Variants in KCNMA1 observed in about 807,000 individuals in gnomAD.
KCNMA1 encodes the protein potassium calcium-activated channel subfamily M alpha 1.
In KCNMA1, 29 loss-of-function variants were observed where a neutral mutation model predicts 140.0. The ratio of observed to expected loss-of-function variants is 0.21; its 90% CI spans 0.15 to 0.28. KCNMA1 has a LOEUF of 0.28. Among genes scored for constraint, KCNMA1 ranks in the 10% least tolerant of loss-of-function variants. The pLI, the probability that KCNMA1 is intolerant of heterozygous loss-of-function variation, is 1.00. For synonymous variants in KCNMA1, 612 were observed against 611.9 expected, an observed-to-expected ratio of 1.00 and a Z score of 0.00; for missense variants, 880 against 1,602.2, an observed-to-expected ratio of 0.55 and a Z score of 7.70.
intron 2 of KCNMA1, among the ~76,000 whole-genome samples, chr10:77,363,318 G>T (rs1476383960): frequency 3.3e-5 from 5 of 152,072 alleles, no homozygotes; most frequent in Non-Finnish European, 5.9e-5. Flanking sequence ...ATGGGCCCTG[G>T]TCATGGGAAA....
At chr10:77,351,077 C>T (rs1447870331) in intron 2 of KCNMA1, among the ~76,000 whole-genome samples, 2 of 152,330 alleles carry the variant, frequency 1.3e-5, no homozygotes, top group African/African-American at 2.4e-5. Context: ...CAGGACAATG[C>T]TTTCAGGGGA....
At position 77,616,099 on chromosome 10, in the gene KCNMA1, A is replaced by G. The variant is rs528112899; in HGVS notation, c.378+21166T>C. On this transcript the variant is annotated intron_variant, in intron 1 of 27. Coordinates refer to ENST00000286628, the MANE Select transcript of KCNMA1 (RefSeq NM_001161352.2). Reference sequence around the variant, plus strand: ...CAGGACTCAAACCCGCCTTTGACCAATTCCAAACTAGGCTAAGAGCCTCAC... The same window carrying G: ...CAGGACTCAAACCCGCCTTTGACCAGTTCCAAACTAGGCTAAGAGCCTCAC... Among the ~76,000 whole-genome samples, 159 of 152,336 alleles carry G rather than the reference A, an allele frequency of 1.0e-3. 1 individual carries two copies. Among genetic ancestry groups the G allele is most frequent in the African/African-American group, 3.7e-3 (152 of 41,578 alleles).
At chr10:76,955,526 A>G (rs1414002722) in intron 20 of KCNMA1, among the ~76,000 whole-genome samples, 2 of 152,188 alleles carry the variant, frequency 1.3e-5, no homozygotes, top group Non-Finnish European at 2.9e-5. Flanking sequence ...AACATGCTAG[A>G]CTACTATAGG....
At chr10:76,907,774 C>G (rs2048382067) in intron 25 of KCNMA1, among the ~76,000 whole-genome samples, 1 of 152,112 alleles carries the variant, frequency 6.6e-6, no homozygotes, top group Non-Finnish European at 1.5e-5. Flanking sequence ...CTCCTGGGCT[C>G]AAGTGATCTG....
intron 3 of KCNMA1, among the ~76,000 whole-genome samples, chr10:77,188,149 C>G (rs768349284): frequency 6.6e-6 from 1 of 151,296 alleles, no homozygotes; most frequent in Non-Finnish European, 1.5e-5. Flanking sequence ...CAAAAGCTAG[C>G]AAAGAAATTG....
chr10:77,408,767 C>G (rs568715307), intron 1 of KCNMA1, among the ~76,000 whole-genome samples: 2 of 152,194 alleles, frequency 1.3e-5, no homozygotes, highest in East Asian at 3.8e-4. Context: ...CAGGAGCCCT[C>G]CCCCTGCCCT....
At chr10:77,087,535 T>A (rs887820069) in intron 10 of KCNMA1, among the ~76,000 whole-genome samples, 4 of 152,076 alleles carry the variant, frequency 2.6e-5, no homozygotes, top group African/African-American at 4.8e-5. Context: ...GGACTTCTCA[T>A]CCCCCAAGGC....
intron 1 of KCNMA1, among the ~76,000 whole-genome samples, chr10:77,449,704 G>A (rs776131405): frequency 4.0e-5 from 6 of 149,008 alleles, no homozygotes; most frequent in Non-Finnish European, 8.9e-5. Context: ...GTGCAGTGGC[G>A]GGATGTCAGC....
chr10:77,495,606 T>G (rs1190732223), intron 1 of KCNMA1, among the ~76,000 whole-genome samples: 1 of 152,168 alleles, frequency 6.6e-6, no homozygotes, highest in Admixed American at 6.5e-5. Flanking sequence ...ATGCATCTAC[T>G]CCCAACACAT....
chr10:77,577,537 A>G (rs528875013), intron 1 of KCNMA1, among the ~76,000 whole-genome samples: 1 of 152,344 alleles, frequency 6.6e-6, no homozygotes, highest in South Asian at 2.1e-4. Flanking sequence ...ATCAAGCAAT[A>G]TAATTGCACT....
Position 76,887,129 on chromosome 10 carries a change from T to A in KCNMA1, c.*137A>T, listed in dbSNP as rs200712770. The A allele has an allele frequency of 6.2e-7, 1 of 1,600,466 alleles. No individual in the cohort carries two copies. ...ATAAAAATGACAACCACATGCACAC[T>A]ATCATACATATGCAAATATGTGTAA... On this transcript the variant is annotated 3_prime_UTR_variant, in exon 28 of 28. Transcript: ENST00000286628.
chr10:77,304,604 T>C (rs1252977677), intron 2 of KCNMA1: 1 of 152,156 alleles, frequency 6.6e-6, no homozygotes, highest in Non-Finnish European at 1.5e-5. Context: ...TGGGAAAAAA[T>C]GGCAAAAAAT....
chr10:77,242,034 A>T (rs1480628231), intron 3 of KCNMA1, among the ~76,000 whole-genome samples: 1 of 152,130 alleles, frequency 6.6e-6, no homozygotes, highest in South Asian at 2.1e-4. Context: ...GTTTGCGAGC[A>T]GCACAAGCTC....
intron 6 of KCNMA1, among the ~76,000 whole-genome samples, chr10:77,112,727 G>A (rs537740678): frequency 3.9e-5 from 6 of 152,188 alleles, no homozygotes; most frequent in Admixed American, 2.6e-4. Flanking sequence ...ACACTTGTAC[G>A]CTCTTCATTT....
intron 1 of KCNMA1, among the ~76,000 whole-genome samples, chr10:77,531,537 A>G (rs2057614543): frequency 6.6e-6 from 1 of 152,198 alleles, no homozygotes; most frequent in Non-Finnish European, 1.5e-5. Flanking sequence ...CGACCCTGCC[A>G]GCGCTCCTGC....
At chr10:77,440,450 C>T (rs1237079012) in intron 1 of KCNMA1, among the ~76,000 whole-genome samples, 1 of 152,186 alleles carries the variant, frequency 6.6e-6, no homozygotes, top group Non-Finnish European at 1.5e-5. Flanking sequence ...CAGGTGACCA[C>T]CACAAAACGC....
chr10:77,453,910 A>G (rs527568488), intron 1 of KCNMA1, among the ~76,000 whole-genome samples: 1 of 152,312 alleles, frequency 6.6e-6, no homozygotes, highest in Admixed American at 6.5e-5. Context: ...TGGAAACCTC[A>G]AGCTCACAGA....
At chr10:76,924,407 G>A (rs150606995) in intron 23 of KCNMA1, among the ~76,000 whole-genome samples, 1 of 152,082 alleles carries the variant, frequency 6.6e-6, no homozygotes, top group Non-Finnish European at 1.5e-5. Context: ...TGTCTGAGCA[G>A]TAAAATTACA....
intron 16 of KCNMA1, among the ~76,000 whole-genome samples, chr10:77,025,864 A>G (rs1453093630): frequency 6.6e-6 from 1 of 152,070 alleles, no homozygotes. Context: ...CCTCAAACAC[A>G]CCTTTTTCCA....
Sources: allele counts gnomAD v4.1 joint callset (sites outside exome capture counted in the v4.1 genomes callset), GRCh38; gene constraint gnomAD v4.1.1; transcripts MANE v1.5; gene names NCBI Gene and HGNC (gene_info 2026-07-23, HGNC 2026-07-21).